RANBP2: variants seen among roughly 807,000 people sequenced by gnomAD.
RANBP2 encodes the protein RAN binding protein 2.
RANBP2 carries 57 observed loss-of-function variants against 303.6 expected under a neutral mutation model. That is an observed-to-expected ratio of 0.19 (90% CI 0.15 to 0.23). RANBP2 has a LOEUF of 0.23. Among genes scored for constraint, RANBP2 ranks in the 10% least tolerant of loss-of-function variants. RANBP2 has a pLI of 1.00. For synonymous variants in RANBP2, 1,167 were observed against 1,301.5 expected, an observed-to-expected ratio of 0.90 and a Z score of 2.23; for missense variants, 3,138 against 3,780.8, an observed-to-expected ratio of 0.83 and a Z score of 4.46.
chr2:109,290,963 A>G, the RANBP2 span, among the ~76,000 whole-genome samples: 1 of 152,270 alleles, frequency 6.6e-6, no homozygotes, highest in Non-Finnish European at 1.5e-5. Context: ...GCCCGGCAAT[A>G]TGCCGGGTAC....
the RANBP2 span, among the ~76,000 whole-genome samples, chr2:109,420,244 G>A: frequency 7.2e-5 from 11 of 152,190 alleles, no homozygotes; most frequent in Non-Finnish European, 1.2e-4. Context: ...ATGCTCTGAA[G>A]AATTAGACTC....
chr2:108,867,635 G>GA, the RANBP2 span, among the ~76,000 whole-genome samples: 1 of 151,690 alleles, frequency 6.6e-6, no homozygotes, highest in Non-Finnish European at 1.5e-5. Context: ...GGGTGGACTT[G>GA]AAAAAAAATA....
chr2:109,195,286 A>T, the RANBP2 span, among the ~76,000 whole-genome samples: 1 of 152,214 alleles, frequency 6.6e-6, no homozygotes, highest in Non-Finnish European at 1.5e-5. Flanking sequence ...GGAGGGTCCC[A>T]TAGCTAGGGT....
At chr2:109,577,588 C>A in the RANBP2 span, among the ~76,000 whole-genome samples, 1 of 144,252 alleles carries the variant, frequency 6.9e-6, no homozygotes, top group Non-Finnish European at 1.5e-5. Flanking sequence ...TGAGACTCCA[C>A]CTCAAAATTT....
chr2:109,518,106 T>G, the RANBP2 span, among the ~76,000 whole-genome samples: 1 of 152,256 alleles, frequency 6.6e-6, no homozygotes, highest in Non-Finnish European at 1.5e-5. Context: ...ATTGGCGGCA[T>G]TTGAATCCTT....
the RANBP2 span, among the ~76,000 whole-genome samples, chr2:109,159,295 C>G: frequency 3.3e-5 from 5 of 152,174 alleles, no homozygotes; most frequent in Non-Finnish European, 2.9e-5. Flanking sequence ...CTCTCAGGAC[C>G]GCTGCTGTAC....
At chr2:109,443,124 T>G in the RANBP2 span, among the ~76,000 whole-genome samples, 1 of 152,276 alleles carries the variant, frequency 6.6e-6, no homozygotes, top group African/African-American at 2.4e-5. Context: ...GGTGAAATTG[T>G]GTGTGGCATG....
At chr2:108,790,476 G>A (rs551732870), downstream of RANBP2, among the ~76,000 whole-genome samples, 12 of 152,212 alleles carry the variant, frequency 7.9e-5, no homozygotes, top group South Asian at 4.2e-4. Context: ...ACTTGAAATG[G>A]GGCTGGTCTG....
chr2:108,729,226 T>G lies in RANBP2; in HGVS notation c.140+27T>G, dbSNP rs775210764. On this transcript the variant is annotated intron_variant, in intron 2 of 28. Coordinates refer to ENST00000283195, the MANE Select transcript of RANBP2 (RefSeq NM_006267.5). ...TAAGTACAAACTGTAACATGTATTT[T>G]TTTTTTAAAATCAATGCCTTTTCTC... The G allele has an allele frequency of 3.9e-6, 6 of 1,557,298 alleles. No individual in the cohort carries two copies. In the Admixed American group the frequency reaches 5.3e-5, roughly 14 times the overall value.
At chr2:109,081,748 A>G in the RANBP2 span, among the ~76,000 whole-genome samples, 3 of 152,162 alleles carry the variant, frequency 2.0e-5, no homozygotes, top group Non-Finnish European at 4.4e-5. Context: ...CCATCCCAGG[A>G]CTTCACAACC....
At chr2:109,210,930 C>G in the RANBP2 span, among the ~76,000 whole-genome samples, 1 of 152,288 alleles carries the variant, frequency 6.6e-6, no homozygotes, top group East Asian at 1.9e-4. Context: ...TGCTGCTGTC[C>G]TTTCCTGTCA....
chr2:109,600,185 C>A, the RANBP2 span, among the ~76,000 whole-genome samples: 3 of 152,190 alleles, frequency 2.0e-5, no homozygotes, highest in Non-Finnish European at 4.4e-5. Context: ...GCTCTCACTG[C>A]TCAATTGGGC....
the RANBP2 span, among the ~76,000 whole-genome samples, chr2:109,331,407 AGT>A: frequency 6.6e-6 from 1 of 151,830 alleles, no homozygotes; most frequent in African/African-American, 2.4e-5. Context: ...AACTGATTGG[AGT>A]GTGAGAACTG....
At chr2:108,742,243 G>A (rs747119108) in intron 7 of RANBP2, among the ~76,000 whole-genome samples, 1 of 152,032 alleles carries the variant, frequency 6.6e-6, no homozygotes, top group Non-Finnish European at 1.5e-5. Context: ...TGATCTTCGC[G>A]CCTCAGCCTC....
the RANBP2 span, among the ~76,000 whole-genome samples, chr2:109,467,860 G>A: frequency 1.3e-5 from 2 of 152,146 alleles, no homozygotes; most frequent in Non-Finnish European, 2.9e-5. Flanking sequence ...ACCCTCCGCC[G>A]TCATTCACAT....
the RANBP2 span, among the ~76,000 whole-genome samples, chr2:109,140,109 C>G: frequency 6.6e-6 from 1 of 152,202 alleles, no homozygotes; most frequent in African/African-American, 2.4e-5. Flanking sequence ...TGGGAGGCCC[C>G]TTTTCCCTCT....
At chr2:108,730,061 C>T (rs1264863680) in intron 2 of RANBP2, among the ~76,000 whole-genome samples, 2 of 150,396 alleles carry the variant, frequency 1.3e-5, no homozygotes, top group East Asian at 3.9e-4. Context: ...GATGGAAATG[C>T]TGGTAAGAAA....
At chr2:109,733,207 T>C in the RANBP2 span, 3 of 419,150 alleles carry the variant, frequency 7.2e-6, no homozygotes, top group African/African-American at 6.3e-5. Flanking sequence ...GCTGACTCCA[T>C]CTGCTACTAT....
chr2:109,565,065 C>T, the RANBP2 span, among the ~76,000 whole-genome samples: 1 of 152,230 alleles, frequency 6.6e-6, no homozygotes, highest in African/African-American at 2.4e-5. Flanking sequence ...GATCCTTCTT[C>T]TATGTTTACG....
Sources: allele counts gnomAD v4.1 joint callset (sites outside exome capture counted in the v4.1 genomes callset), GRCh38; gene constraint gnomAD v4.1.1; transcripts MANE v1.5; gene names NCBI Gene and HGNC (gene_info 2026-07-23, HGNC 2026-07-21).